Variants in PIDD1 observed in about 807,000 individuals in gnomAD.
PIDD1 encodes p53-induced death domain protein 1.
Under a neutral mutation model 80.0 loss-of-function variants are expected in PIDD1, and 72 were observed. The ratio of observed to expected loss-of-function variants is 0.90; its 90% CI spans 0.74 to 1.09. The LOEUF is 1.09. Among genes scored for constraint, PIDD1 ranks in the 50% least tolerant of loss-of-function variants. The pLI, the probability that PIDD1 is intolerant of heterozygous loss-of-function variation, is 0.00. For missense variants in PIDD1, 1,329 were observed against 1,228.3 expected (o/e 1.08, Z -1.23); for synonymous variants, 655 against 543.5 (o/e 1.21, Z -2.85).
upstream of PIDD1, among the ~76,000 whole-genome samples, chr11:808,236 G>A (rs1423868561): frequency 6.6e-6 from 1 of 151,248 alleles, no homozygotes; most frequent in African/African-American, 2.4e-5. Context: ...AGACCAGCCT[G>A]GCCAACATGG....
intron 6 of PIDD1, 37 bp downstream of exon 6, chr11:802,130 GGGCCCGCACACTGCCCCTGCCATGCCCT>G: frequency 3.2e-6 from 5 of 1,561,602 alleles, no homozygotes; most frequent in African/African-American, 1.4e-5. Flanking sequence ...AGCCATGCCC[GGGCCCGCACACTGCCCCTGCCATGCCCT>G]GGCCCACACA....
In PIDD1 at chr11:804,106, G is replaced by A. The variant is rs776420971; in HGVS notation, c.283C>T (p.Leu95=). 6.2e-7 allele frequency: 1 copy of A among 1,609,912 alleles called. No individual in the cohort carries two copies. Among genetic ancestry groups the A allele is most frequent in the Non-Finnish European group, 8.5e-7 (1 of 1,177,302 alleles). Residue 95 remains leucine, a synonymous_variant, in exon 2 of 16, where the codon CTG becomes TTG. Transcript: ENST00000347755. ...AGGTGGAACTCACCTTTGAGGACCA[G>A]GGAGCGGAGGCAGGACAGGCTCTGA... ...LPQSLSCLRS[L]VLKGGQRRDT... is the part of the protein sequence containing the mutation.
chr11:800,933 G>A lies in PIDD1; in HGVS notation c.1767-21C>T, dbSNP rs764436206. ...AGTACCTGGGAGAGCTGGGGGTGAG[G>A]AGGGCTGTACAGACTGGGGGAGGGG... is the stretch of plus-strand genomic sequence containing the variant. On this transcript the variant is annotated intron_variant, in intron 10 of 15. Transcript: ENST00000347755. 2.5e-6 allele frequency: 4 copies of A among 1,596,256 alleles called. No individual in the cohort carries two copies. In the Admixed American group the frequency reaches 5.2e-5, roughly 21 times the overall value.
chr11:803,215 T>C lies in PIDD1; in HGVS notation c.668A>G (p.Asn223Ser), dbSNP rs1372377576. 1.2e-6 allele frequency: 2 copies of C among 1,610,958 alleles called. No individual in the cohort carries two copies. The highest frequency in any genetic ancestry group is 2.7e-5 in the African/African-American group (2 of 74,888). Residue 223 changes from asparagine to serine, a missense_variant, in exon 3 of 16, where the codon AAC becomes AGC. Physicochemically the swap from Asn to Ser is conservative, Grantham distance 46. Transcript: ENST00000347755. Reference protein sequence around the residue: ...IGGLGSLLELNLASNRLQSLP... With the variant: ...IGGLGSLLELSLASNRLQSLP... ...GCTCTGCAGCCGGTTGGAGGCCAGGTTGAGCTCCAGGAGGCTGCCCAGGCC... is the reference window on the plus strand; with the variant it reads ...GCTCTGCAGCCGGTTGGAGGCCAGGCTGAGCTCCAGGAGGCTGCCCAGGCC...
chr11:807,475 T>A (rs1420105811), upstream of PIDD1, among the ~76,000 whole-genome samples: 1 of 148,796 alleles, frequency 6.7e-6, no homozygotes. Context: ...CAATACTCCG[T>A]CTCAAAAAAA....
At chr11:802,455 T>C in intron 5 of PIDD1, 59 bp from the exon 6 acceptor site, 1 of 1,598,220 alleles carries the variant, frequency 6.3e-7, no homozygotes, top group Non-Finnish European at 8.6e-7. Flanking sequence ...TGTTGGAGCC[T>C]GGACCCAGGA....
rs751212213 is a variant in PIDD1, at chr11:801,238, G to A, written c.1610C>T (p.Pro537Leu). ...SFLQPVTVQLPLPSGITGLSL... is the reference protein window; with the variant it reads ...SFLQPVTVQLLLPSGITGLSL... ...CTCACCTGTGATGCCAGAGGGCAGA[G>A]GCAGCTGCACGGTGACCGGTTGGAG... The change falls in exon 9 of 16, where the codon CCT (proline) becomes CTT (leucine). Residue 537 changes from proline (P) to leucine (L), a missense_variant. Physicochemically the swap from Pro to Leu is moderately conservative, Grantham distance 98 (BLOSUM62 -3). Coordinates refer to ENST00000347755, the MANE Select transcript of PIDD1 (RefSeq NM_145886.4). 1 of 1,561,318 alleles carries A rather than the reference G, an allele frequency of 6.4e-7. No individual in the cohort carries two copies. Among genetic ancestry groups the A allele is most frequent in the Admixed American group, 1.8e-5 (1 of 55,108 alleles).
chr11:806,818 C>T (rs1172200296), upstream of PIDD1, among the ~76,000 whole-genome samples: 5 of 152,138 alleles, frequency 3.3e-5, no homozygotes, highest in African/African-American at 4.8e-5. Context: ...CTCCTGACCT[C>T]GTGATCCACC....
At position 799,420 on chromosome 11, in the gene PIDD1, C is replaced by G. The variant is rs759834059; in HGVS notation, c.2620G>C (p.Glu874Gln). The G allele has an allele frequency of 1.9e-6, 3 of 1,611,610 alleles. No homozygotes were observed. The highest frequency in any genetic ancestry group is 2.2e-5 in the East Asian group (1 of 44,878). Residue 874 changes from glutamate to glutamine, a missense_variant, in exon 16 of 16, where the codon GAG becomes CAG. By Grantham distance (29) the Glu-to-Gln change is conservative. Coordinates refer to ENST00000347755, the MANE Select transcript of PIDD1 (RefSeq NM_145886.4). Reference protein sequence around the residue: ...DVAEEVRAVLELGRRKYQDSI... With the variant: ...DVAEEVRAVLQLGRRKYQDSI... ...TCCTGGTACTTGCGGCGGCCGAGCT[C>G]CAAGACTGCGCGCACCTCTTCAGCC...
Position 800,879 on chromosome 11 carries a change from C to T in PIDD1, c.1800G>A (p.Val600=), listed in dbSNP as rs891792742. 1.0e-5 allele frequency: 16 copies of T among 1,587,576 alleles called. No homozygotes were observed. The change falls in exon 11 of 16, where the codon GTG becomes GTA. Residue 600 remains valine (V), a synonymous_variant. Coordinates refer to ENST00000347755, the MANE Select transcript of PIDD1 (RefSeq NM_145886.4). The stretch of plus-strand genomic sequence containing the variant: ...CCCAGGCCTTCCGAGCCAGGCCTCC[C>T]ACACAGTTCTTGGTGGTGTACCAGA... The part of the protein sequence containing the change: ...YWLWYTTKNC[V]GGLARKAWER...
chr11:799,296 GTC>G lies in PIDD1; in HGVS notation c.*9_*10del. On this transcript the variant is annotated 3_prime_UTR_variant, in exon 16 of 16. Transcript: ENST00000347755. ...GGGGAATATCTGGGCCAGCCTAAAAGTCTGTGGGGCCTAGGCCTGGGCAGGCT... is the reference window on the plus strand; with the variant it reads ...GGGGAATATCTGGGCCAGCCTAAAAGTGTGGGGCCTAGGCCTGGGCAGGCT... 1.9e-6 allele frequency: 3 copies of G among 1,575,556 alleles called. No individual in the cohort carries two copies. The highest frequency in any genetic ancestry group is 2.6e-6 in the Non-Finnish European group (3 of 1,161,854).
intron 2 of PIDD1, 161 bp from the exon 3 acceptor site, chr11:803,748 C>A: frequency 1.2e-6 from 1 of 813,418 alleles, no homozygotes; most frequent in Non-Finnish European, 1.9e-6. Flanking sequence ...GGAGAGGTGC[C>A]CGCAAATGGA....
At position 800,568 on chromosome 11, in the gene PIDD1, G is replaced by C; in HGVS notation, c.2016C>G (p.Phe672Leu). The C allele has an allele frequency of 1.9e-6, 3 of 1,608,484 alleles. No homozygotes were observed. Among genetic ancestry groups the C allele is most frequent in the Non-Finnish European group, 2.5e-6 (3 of 1,179,338 alleles). ...CAGCATCCACGTCGATGCCGCGCTC[G>C]AAGGCCGCAAAGAACTCTTCGCCCT... ...MFEGEEFFAA[F>L]ERGIDVDADR... Residue 672 changes from phenylalanine (F) to leucine (L), a missense_variant, in exon 12 of 16, where the codon TTC (phenylalanine) becomes TTG (leucine). Phe to Leu is a conservative substitution (Grantham distance 22). Transcript: ENST00000347755.
chr11:805,586 G>C, upstream of PIDD1: 1 of 980,884 alleles, frequency 1.0e-6, no homozygotes, highest in Non-Finnish European at 1.2e-6. Context: ...CGGGGTGACG[G>C]GGGTACTCTT....
intron 1 of PIDD1, chr11:804,917 G>A (rs904622270): frequency 6.5e-6 from 1 of 153,472 alleles, no homozygotes; most frequent in Non-Finnish European, 1.5e-5. Context: ...TGAGGGCCTG[G>A]GGCGTGAGCC....
At position 804,214 on chromosome 11, in the gene PIDD1, G is replaced by C. The variant is rs777665342; in HGVS notation, c.175C>G (p.Leu59Val). 1.3e-4 allele frequency: 214 copies of C among 1,613,004 alleles called. 1 individual carries two copies. The highest frequency in any genetic ancestry group is 4.9e-4 in the Middle Eastern group (3 of 6,084). Reference sequence around the variant, plus strand: ...AAGAATTCCACCTGCAGCAGCTGCAGAGGCTGCTGGACACACAGGTGCAGC... The same window carrying C: ...AAGAATTCCACCTGCAGCAGCTGCACAGGCTGCTGGACACACAGGTGCAGC... ...QLLHLCVQQP[L>V]QLLQVEFLRL... is the part of the protein sequence containing the mutation. Residue 59 changes from leucine to valine, a missense_variant, in exon 2 of 16, where the codon CTG becomes GTG. Transcript: ENST00000347755.
At position 803,480 on chromosome 11, in the gene PIDD1, T is replaced by G; in HGVS notation, c.403A>C (p.Asn135His). The change falls in exon 3 of 16, where the codon AAC (asparagine) becomes CAC (histidine). Residue 135 changes from asparagine (N) to histidine (H), a missense_variant. Physicochemically the swap from Asn to His is moderately conservative, Grantham distance 68 (BLOSUM62 1). Coordinates refer to ENST00000347755, the MANE Select transcript of PIDD1 (RefSeq NM_145886.4). ...AHLAHLDLSFNSLETLPACVL... is the reference protein window; with the variant it reads ...AHLAHLDLSFHSLETLPACVL... ...CAGGCCGGCAGTGTCTCCAGGCTGT[T>G]GAAGCTCAGGTCCAGGTGGGCCAGA... 2 of 1,613,624 alleles carry G rather than the reference T, an allele frequency of 1.2e-6. No individual in the cohort carries two copies. The highest frequency in any genetic ancestry group is 1.7e-6 in the Non-Finnish European group (2 of 1,179,984).
At position 804,443 on chromosome 11, in the gene PIDD1, T is replaced by C; in HGVS notation, c.-55A>G. On this transcript the variant is annotated 5_prime_UTR_variant, in exon 2 of 16. Coordinates refer to ENST00000347755, the MANE Select transcript of PIDD1 (RefSeq NM_145886.4). Reference sequence around the variant, plus strand: ...ATGTCCCAGCACGCAGGCAGGCCTGTCCAGGCAGCGCCCGGGGAAGCTGCA... The same window carrying C: ...ATGTCCCAGCACGCAGGCAGGCCTGCCCAGGCAGCGCCCGGGGAAGCTGCA... 3.9e-6 allele frequency: 6 copies of C among 1,521,536 alleles called. No homozygotes were observed. The highest frequency in any genetic ancestry group is 5.3e-6 in the Non-Finnish European group (6 of 1,138,330). 94.3% of individuals were successfully genotyped at this position (1,521,536 alleles called of 1,614,324 possible).
upstream of PIDD1, among the ~76,000 whole-genome samples, chr11:809,149 C>G (rs933276895): frequency 6.6e-6 from 1 of 152,252 alleles, no homozygotes; most frequent in South Asian, 2.1e-4. Context: ...CTGTTCCCTC[C>G]CAGGACCCGA....
Sources: allele counts gnomAD v4.1 joint callset (sites outside exome capture counted in the v4.1 genomes callset), GRCh38; gene constraint gnomAD v4.1.1; transcripts MANE v1.5; gene names NCBI Gene and HGNC (gene_info 2026-07-23, HGNC 2026-07-21).